Variants in PAMR1 observed in about 807,000 individuals in gnomAD.
PAMR1 encodes peptidase domain containing associated with muscle regeneration 1, also known as inactive serine protease PAMR1.
A neutral mutation model predicts 81.8 loss-of-function variants in PAMR1; 88 were observed. The observed-to-expected ratio is 1.08, with a 90% confidence interval of 0.91 to 1.28. PAMR1 has a LOEUF of 1.28. Among genes scored for constraint, PAMR1 ranks in the 50% most tolerant of loss-of-function variants. The pLI is 0.00. For missense variants in PAMR1, 935 were observed against 919.7 expected, an observed-to-expected ratio of 1.02 and a Z score of -0.21; for synonymous variants, 336 against 345.3, an observed-to-expected ratio of 0.97 and a Z score of 0.30.
intron 6 of PAMR1, chr11:35,452,076 CA>C (rs1280937183): frequency 2.3e-6 from 1 of 439,028 alleles, no homozygotes; most frequent in African/African-American, 2.0e-5. Context: ...ATAAAGAATA[CA>C]GATAATGTTG....
chr11:35,447,838 G>A (rs1856330086), intron 6 of PAMR1, among the ~76,000 whole-genome samples: 1 of 152,202 alleles, frequency 6.6e-6, no homozygotes, highest in Admixed American at 6.5e-5. Flanking sequence ...GGCAGGCCTT[G>A]TGGTGACAAA....
At chr11:35,443,403 C>T (rs1307954754) in intron 6 of PAMR1, among the ~76,000 whole-genome samples, 1 of 152,156 alleles carries the variant, frequency 6.6e-6, no homozygotes. Flanking sequence ...TATTCCCCTC[C>T]CTGTGTCCAT....
upstream of PAMR1, among the ~76,000 whole-genome samples, chr11:35,529,696 C>T (rs1851436829): frequency 6.6e-6 from 1 of 152,180 alleles, no homozygotes; most frequent in Non-Finnish European, 1.5e-5. Context: ...TGATGCTTAT[C>T]TCCCCCTCTG....
chr11:35,529,695 T>C (rs528960818), upstream of PAMR1, among the ~76,000 whole-genome samples: 1 of 152,276 alleles, frequency 6.6e-6, no homozygotes, highest in African/African-American at 2.4e-5. Context: ...GTGATGCTTA[T>C]CTCCCCCTCT....
chr11:35,524,737 G>A (rs78579763), intron 1 of PAMR1, among the ~76,000 whole-genome samples: 315 of 152,252 alleles, frequency 2.1e-3, no homozygotes, highest in African/African-American at 7.3e-3. Context: ...CAGCAAGCAG[G>A]ATCTGCCATG....
intron 6 of PAMR1, among the ~76,000 whole-genome samples, chr11:35,459,833 G>A (rs1479206791): frequency 6.6e-6 from 1 of 152,190 alleles, no homozygotes; most frequent in African/African-American, 2.4e-5. Context: ...GTCAAAAGGA[G>A]GGGAAAATAT....
intron 3 of PAMR1, among the ~76,000 whole-genome samples, chr11:35,490,945 T>A (rs1850613779): frequency 6.6e-6 from 1 of 152,212 alleles, no homozygotes; most frequent in African/African-American, 2.4e-5. Flanking sequence ...GAGCTTGTAT[T>A]CTGCTCATTA....
At chr11:35,464,078 A>C (rs1856713372) in intron 6 of PAMR1, among the ~76,000 whole-genome samples, 1 of 152,240 alleles carries the variant, frequency 6.6e-6, no homozygotes, top group African/African-American at 2.4e-5. Context: ...CTCAAAATCA[A>C]AATACGTGTA....
At chr11:35,452,040 G>A in intron 6 of PAMR1, 1 of 468,468 alleles carries the variant, frequency 2.1e-6, no homozygotes, top group East Asian at 3.4e-5. Flanking sequence ...AAAATCAAGA[G>A]AAATACAGAC....
At chr11:35,515,139 G>A (rs781563446) in intron 1 of PAMR1, among the ~76,000 whole-genome samples, 1 of 152,162 alleles carries the variant, frequency 6.6e-6, no homozygotes, top group Non-Finnish European at 1.5e-5. Flanking sequence ...CAAGACCCAA[G>A]AATTCTACAA....
chr11:35,446,072 T>C (rs945287440), intron 6 of PAMR1, among the ~76,000 whole-genome samples: 1 of 152,232 alleles, frequency 6.6e-6, no homozygotes, highest in Non-Finnish European at 1.5e-5. Context: ...AGGGTGTATG[T>C]GTCCAGGAAT....
intron 1 of PAMR1, among the ~76,000 whole-genome samples, chr11:35,519,550 G>A (rs569035881): frequency 6.6e-6 from 1 of 152,276 alleles, no homozygotes; most frequent in African/African-American, 2.4e-5. Context: ...CTGGGAGCAA[G>A]GTACATGACA....
chr11:35,434,913 A>T, intron 9 of PAMR1, 109 bp from the exon 10 acceptor site: 1 of 992,620 alleles, frequency 1.0e-6, no homozygotes, highest in Non-Finnish European at 1.5e-6. Flanking sequence ...CTGTATGGGC[A>T]TGATGACCAC....
intron 7 of PAMR1, among the ~76,000 whole-genome samples, chr11:35,440,374 C>T (rs1484990406): frequency 1.3e-5 from 2 of 152,168 alleles, no homozygotes; most frequent in African/African-American, 2.4e-5. Context: ...CGTTCCCATA[C>T]TTAATGAAAT....
At chr11:35,506,631 T>C (rs183455087) in intron 1 of PAMR1, among the ~76,000 whole-genome samples, 5 of 151,958 alleles carry the variant, frequency 3.3e-5, no homozygotes, top group Admixed American at 2.0e-4. Context: ...GTTGTCCTCC[T>C]CCCCCATGAC....
chr11:35,508,281 C>T (rs1374262941), intron 1 of PAMR1, among the ~76,000 whole-genome samples: 1 of 152,064 alleles, frequency 6.6e-6, no homozygotes, highest in Non-Finnish European at 1.5e-5. Context: ...TTTCAACATG[C>T]TTTGTGTTGG....
intron 1 of PAMR1, among the ~76,000 whole-genome samples, chr11:35,511,365 G>T (rs1471160204): frequency 6.6e-6 from 1 of 152,210 alleles, no homozygotes; most frequent in Non-Finnish European, 1.5e-5. Flanking sequence ...AAAATATGTT[G>T]CCATGATGGC....
intron 6 of PAMR1, chr11:35,452,003 A>G (rs1400495): frequency 0.29 from 171,529 of 587,430 alleles, 26,103 homozygotes; most frequent in Admixed American, 0.34. Context: ...TAGCAGCCCA[A>G]ACTGACTAAG....
intron 1 of PAMR1, among the ~76,000 whole-genome samples, chr11:35,510,588 C>G (rs1590392907): frequency 2.0e-5 from 3 of 150,910 alleles, no homozygotes. Context: ...AAGATGTCAA[C>G]ATTTTGATGT....
Sources: allele counts gnomAD v4.1 joint callset (sites outside exome capture counted in the v4.1 genomes callset), GRCh38; gene constraint gnomAD v4.1.1; transcripts MANE v1.5; gene names NCBI Gene and HGNC (gene_info 2026-07-23, HGNC 2026-07-21).